The following KCNQ3 variants were observed in gnomAD, a reference collection of about 807,000 sequenced individuals.
KCNQ3 encodes the protein potassium voltage-gated channel subfamily KQT member 3.
KCNQ3 carries 30 observed loss-of-function variants against 92.5 expected under a neutral mutation model. That is an observed-to-expected ratio of 0.32 (90% confidence interval 0.24 to 0.44). The LOEUF (loss-of-function observed/expected upper bound fraction) is 0.44. KCNQ3 is among the 20% of genes least tolerant of loss of function. The pLI, the probability that KCNQ3 is intolerant of heterozygous loss-of-function variation, is 1.00. For synonymous variants in KCNQ3, 450 were observed against 468.8 expected (o/e 0.96, Z 0.52); for missense variants, 913 against 1,140.3 (o/e 0.80, Z 2.87).
intron 1 of KCNQ3, among the ~76,000 whole-genome samples, chr8:132,218,117 A>G (rs149049686): frequency 6.6e-6 from 1 of 152,326 alleles, no homozygotes; most frequent in East Asian, 1.9e-4. Flanking sequence ...ACAAATGACC[A>G]TGGTCCTTGC....
intron 1 of KCNQ3, among the ~76,000 whole-genome samples, chr8:132,449,961 G>A (rs1034922744): frequency 2.6e-5 from 4 of 152,224 alleles, no homozygotes; most frequent in African/African-American, 4.8e-5. Flanking sequence ...TGTGTCCAGA[G>A]TTGGTGCCTT....
chr8:132,234,509 A>G (rs1316604413), intron 1 of KCNQ3, among the ~76,000 whole-genome samples: 1 of 152,030 alleles, frequency 6.6e-6, no homozygotes, highest in African/African-American at 2.4e-5. Flanking sequence ...GGCAGGGGGC[A>G]GAGAGGAAAG....
chr8:132,456,820 C>T (rs575546341), intron 1 of KCNQ3, among the ~76,000 whole-genome samples: 29 of 152,192 alleles, frequency 1.9e-4, no homozygotes, highest in African/African-American at 6.5e-4. Context: ...CATCACATTG[C>T]TCAAGCTGGT....
Position 132,174,278 on chromosome 8 carries a change from G to T in KCNQ3, c.1005C>A (p.Thr335=), listed in dbSNP as rs758511572. Reference sequence around the variant, plus strand: ...AAAAGGAGACGCCAATTAAGGAAAAGGTGGCGGCAATCAGACGGCCTTCCC... The same window carrying T: ...AAAAGGAGACGCCAATTAAGGAAAATGTGGCGGCAATCAGACGGCCTTCCC... ...KTWEGRLIAA[T]FSLIGVSFFA... is the part of the protein sequence containing the mutation. Residue 335 remains threonine (T), a synonymous_variant, in exon 6 of 15, where the codon ACC becomes ACA. Coordinates refer to ENST00000388996, the MANE Select transcript of KCNQ3 (RefSeq NM_004519.4). The T allele has an allele frequency of 3.2e-6, 5 of 1,551,866 alleles. No homozygotes were observed. The highest frequency in any genetic ancestry group is 1.4e-5 in the African/African-American group (1 of 73,058).
At chr8:132,292,864 G>A (rs1005248650) in intron 1 of KCNQ3, among the ~76,000 whole-genome samples, 15 of 152,186 alleles carry the variant, frequency 9.9e-5, no homozygotes, top group Non-Finnish European at 1.8e-4. Flanking sequence ...CTAATCCAGA[G>A]AGATTCCTGC....
intron 12 of KCNQ3, among the ~76,000 whole-genome samples, chr8:132,135,502 C>T (rs191930393): frequency 3.9e-5 from 6 of 152,170 alleles, no homozygotes; most frequent in South Asian, 2.1e-4. Context: ...TCTCTTGCCC[C>T]GCAAGGTCAG....
intron 1 of KCNQ3, among the ~76,000 whole-genome samples, chr8:132,274,281 G>C (rs1816254649): frequency 6.6e-6 from 1 of 152,186 alleles, no homozygotes; most frequent in African/African-American, 2.4e-5. Context: ...GGCAAAAAGA[G>C]AGAGCTTATG....
chr8:132,199,708 G>A (rs112454589), intron 1 of KCNQ3, among the ~76,000 whole-genome samples: 4,107 of 152,172 alleles, frequency 0.027, 212 homozygotes, highest in African/African-American at 0.095. Flanking sequence ...TCAGGAGTTC[G>A]ACACCAGCCT....
rs1826944238 is a variant in KCNQ3, at chr8:132,185,989, A to G, written c.477+102T>C. ...GGGCCTGGACTTGACTGGAGACTACAAGAAGCTGCAACCAGTCAGGGAGGA... is the reference window on the plus strand; with the variant it reads ...GGGCCTGGACTTGACTGGAGACTACGAGAAGCTGCAACCAGTCAGGGAGGA... On this transcript the variant is annotated intron_variant, in intron 2 of 14. Transcript: ENST00000388996. 3.5e-6 allele frequency: 3 copies of G among 853,582 alleles called. No individual in the cohort carries two copies. The Admixed American group carries it at 5.4e-5, about 15-fold the overall frequency. 52.9% of individuals were successfully genotyped at this position (853,582 alleles called of 1,614,324 possible).
intron 1 of KCNQ3, among the ~76,000 whole-genome samples, chr8:132,377,921 A>G (rs765607068): frequency 2.0e-5 from 3 of 152,208 alleles, no homozygotes; most frequent in Non-Finnish European, 4.4e-5. Flanking sequence ...AGCCCATAGG[A>G]TACCAATGCC....
At chr8:132,217,874 T>C (rs1333688283) in intron 1 of KCNQ3, among the ~76,000 whole-genome samples, 1 of 152,118 alleles carries the variant, frequency 6.6e-6, no homozygotes, top group African/African-American at 2.4e-5. Flanking sequence ...AATAAATAGA[T>C]AAGGATCATT....
At position 132,172,596 on chromosome 8, in the gene KCNQ3, A is replaced by C; in HGVS notation, c.1140+2T>G. Reference sequence around the variant, plus strand: ...TTCCAGTTCATTCCCAGGCAGACAGACCTGAATGAGCTCAGCAGCTGGCTT... The same window carrying C: ...TTCCAGTTCATTCCCAGGCAGACAGCCCTGAATGAGCTCAGCAGCTGGCTT... On this transcript the variant is annotated splice_donor_variant, in intron 7 of 14. Transcript: ENST00000388996. LOFTEE classifies it high-confidence loss of function. 1 of 1,613,206 alleles carries C rather than the reference A, an allele frequency of 6.2e-7. No individual in the cohort carries two copies. Among genetic ancestry groups the C allele is most frequent in the Non-Finnish European group, 8.5e-7 (1 of 1,179,216 alleles).
intron 1 of KCNQ3, among the ~76,000 whole-genome samples, chr8:132,429,963 GTTCATTCA>G (rs551678920): frequency 6.6e-6 from 1 of 151,448 alleles, no homozygotes; most frequent in Non-Finnish European, 1.5e-5. Flanking sequence ...AAGTGCTCTA[GTTCATTCA>G]TTCATTCATT....
chr8:132,270,311 C>T (rs796892910), intron 1 of KCNQ3, among the ~76,000 whole-genome samples: 6 of 152,340 alleles, frequency 3.9e-5, no homozygotes, highest in African/African-American at 1.4e-4. Flanking sequence ...CAGTTTCCAA[C>T]TACATGCAAG....
chr8:132,379,002 G>A (rs990450013), intron 1 of KCNQ3, among the ~76,000 whole-genome samples: 8 of 152,182 alleles, frequency 5.3e-5, no homozygotes, highest in Non-Finnish European at 1.0e-4. Context: ...TAAAGTTATT[G>A]AACGTTGAGT....
At chr8:132,379,306 AT>A (rs5895139) in intron 1 of KCNQ3, among the ~76,000 whole-genome samples, 14 of 151,324 alleles carry the variant, frequency 9.3e-5, no homozygotes, top group Middle Eastern at 3.4e-3. Context: ...GATTAGCTCT[AT>A]TTTTTTTTCA....
At chr8:132,384,292 C>A (rs1819836644) in intron 1 of KCNQ3, among the ~76,000 whole-genome samples, 1 of 152,126 alleles carries the variant, frequency 6.6e-6, no homozygotes. Flanking sequence ...GGACTGAGCA[C>A]CAACATATTT....
chr8:132,330,738 G>A (rs550941662), intron 1 of KCNQ3, among the ~76,000 whole-genome samples: 1 of 152,288 alleles, frequency 6.6e-6, no homozygotes, highest in Admixed American at 6.5e-5. Flanking sequence ...CACTTTATAA[G>A]GCTTATATAA....
chr8:132,434,207 CAAA>C (rs546958236), intron 1 of KCNQ3, among the ~76,000 whole-genome samples: 48,417 of 130,572 alleles, frequency 0.37, 8,598 homozygotes, highest in East Asian at 0.44. Context: ...GACTCCGTCT[CAAA>C]AAAAAAAAAA....
Sources: gnomAD v4.1 joint callset for allele counts (sites outside exome capture counted in the v4.1 genomes callset) on GRCh38, gnomAD v4.1.1 for gene constraint, MANE v1.5 for transcripts, NCBI Gene and HGNC (gene_info 2026-07-23, HGNC 2026-07-21) for gene names.